The following SNRNP48 variants were observed in gnomAD, a reference collection of about 807,000 sequenced individuals.
SNRNP48 encodes U11/U12 small nuclear ribonucleoprotein 48 kDa protein.
In SNRNP48, 43 loss-of-function variants were observed where a neutral mutation model predicts 47.0. The observed-to-expected ratio is 0.92, with a 90% CI of 0.72 to 1.18. The LOEUF is 1.18. Ranked by LOEUF, SNRNP48 falls within the 50% of genes most tolerant of loss-of-function variation. The pLI, the probability that SNRNP48 is intolerant of heterozygous loss-of-function variation, is 0.00. For missense variants in SNRNP48, 396 were observed against 422.2 expected, an observed-to-expected ratio of 0.94 and a Z score of 0.54; for synonymous variants, 138 against 144.0, an observed-to-expected ratio of 0.96 and a Z score of 0.30.
At position 7,598,827 on chromosome 6, in the gene SNRNP48, C is replaced by G. The variant is rs557451430; in HGVS notation, c.407-2509C>G. On this transcript the variant is annotated intron_variant, in intron 4 of 8. Transcript: ENST00000342415. Reference sequence around the variant, plus strand: ...CTCAATCTTAAACTTTATGAAAGCTCATACAGCTATTCAATCTATATACTT... The same window carrying G: ...CTCAATCTTAAACTTTATGAAAGCTGATACAGCTATTCAATCTATATACTT... Among the ~76,000 whole-genome samples, 70 of 152,340 alleles carry G rather than the reference C, an allele frequency of 4.6e-4. No homozygotes were observed. The Middle Eastern group carries it at 0.01, about 22-fold the overall frequency.
chr6:7,599,547 T>G (rs1300067795), intron 4 of SNRNP48: 1 of 477,660 alleles, frequency 2.1e-6, no homozygotes, highest in African/African-American at 2.0e-5. Context: ...TTTTGAAAAT[T>G]TACATTTTAT....
At chr6:7,597,642 G>A (rs887800600) in intron 4 of SNRNP48, among the ~76,000 whole-genome samples, 17 of 152,104 alleles carry the variant, frequency 1.1e-4, no homozygotes, top group African/African-American at 4.1e-4. Context: ...TAATGAAATG[G>A]ATGAGTTTTA....
At chr6:7,605,287 T>C (rs999453081) in intron 6 of SNRNP48, 111 bp from the exon 7 acceptor site, 3 of 799,506 alleles carry the variant, frequency 3.8e-6, no homozygotes, top group African/African-American at 3.4e-5. Context: ...CAGTCAATTA[T>C]GTCATAGCAC....
intron 4 of SNRNP48, chr6:7,600,273 C>CTTA: frequency 1.1e-6 from 1 of 880,252 alleles, no homozygotes. Context: ...TGTTGTAATG[C>CTTA]TTAGTTCATA....
At chr6:7,597,493 T>C (rs1759924006) in intron 4 of SNRNP48, among the ~76,000 whole-genome samples, 1 of 152,226 alleles carries the variant, frequency 6.6e-6, no homozygotes, top group South Asian at 2.1e-4. Context: ...TGAGTTTTTG[T>C]TTCCTTATCT....
chr6:7,606,222 G>A (rs996076132), intron 8 of SNRNP48, 27 bp downstream of exon 8: 12 of 1,569,594 alleles, frequency 7.6e-6, no homozygotes, highest in Admixed American at 2.0e-5. Context: ...ATCATCCAAC[G>A]TTGAATTCTG....
In SNRNP48 at chr6:7,605,537, A is replaced by G. The variant is rs764943176; in HGVS notation, c.806+51A>G. 2.0e-6 allele frequency: 3 copies of G among 1,493,812 alleles called. No individual in the cohort carries two copies. The East Asian group carries it at 6.8e-5, about 34-fold the overall frequency. The allele number at this position is 1,493,812 out of a possible 1,614,324, so 92.5% of individuals were successfully genotyped here. Reference sequence around the variant, plus strand: ...AATACTCTCTCTTTGATAACAGATAACAATTAACTTATAATTGTTAAATTT... The same window carrying G: ...AATACTCTCTCTTTGATAACAGATAGCAATTAACTTATAATTGTTAAATTT... On this transcript the variant is annotated intron_variant, in intron 7 of 8. Coordinates refer to ENST00000342415, the MANE Select transcript of SNRNP48 (RefSeq NM_152551.4).
chr6:7,602,345 G>A (rs1760040478), intron 5 of SNRNP48, among the ~76,000 whole-genome samples: 1 of 152,158 alleles, frequency 6.6e-6, no homozygotes, highest in Non-Finnish European at 1.5e-5. Context: ...GTTTTACTCT[G>A]ACTTTTACAT....
At position 7,594,125 on chromosome 6, in the gene SNRNP48, C is replaced by A; in HGVS notation, c.297C>A (p.Phe99Leu). 1.4e-6 allele frequency: 2 copies of A among 1,421,332 alleles called. No individual in the cohort carries two copies. Among genetic ancestry groups the A allele is most frequent in the Non-Finnish European group, 1.9e-6 (2 of 1,049,564 alleles). The allele number at this position is 1,421,332 out of a possible 1,614,324, so 88.0% of individuals were successfully genotyped here. A position where few individuals can be genotyped will look rare whatever the true frequency, so the allele number is the denominator to read the frequency against. ...ATGAAATGTATAATCCTGAGTTTTTCTATGAAAATGTGAAGATACCTTCGA... is the reference window on the plus strand; with the variant it reads ...ATGAAATGTATAATCCTGAGTTTTTATATGAAAATGTGAAGATACCTTCGA... ...EEDEMYNPEF[F>L]YENVKIPSIT... Residue 99 changes from phenylalanine (F) to leucine (L), a missense_variant, in exon 3 of 9, where the codon TTC (phenylalanine) becomes TTA (leucine). Phe to Leu is a conservative substitution (Grantham distance 22, BLOSUM62 0). Coordinates refer to ENST00000342415, the MANE Select transcript of SNRNP48 (RefSeq NM_152551.4).
Position 7,590,431 on chromosome 6 carries a change from G to T in SNRNP48, c.156+18G>T, listed in dbSNP as rs778355674. 1.3e-5 allele frequency: 17 copies of T among 1,282,462 alleles called. No individual in the cohort carries two copies. In the African/African-American group the frequency reaches 2.3e-4, roughly 17 times the overall value. The allele number at this position is 1,282,462 out of a possible 1,614,324, so 79.4% of individuals were successfully genotyped here. ...CGGCGGAGGTGAGGAGCGCGGCCGC[G>T]GGGCCCTTTCGGGGACTATCGGCCC... On this transcript the variant is annotated intron_variant, in intron 1 of 8. Coordinates refer to ENST00000342415, the MANE Select transcript of SNRNP48 (RefSeq NM_152551.4).
At chr6:7,590,887 A>C (rs1266545684) in intron 1 of SNRNP48, among the ~76,000 whole-genome samples, 1 of 152,176 alleles carries the variant, frequency 6.6e-6, no homozygotes, top group African/African-American at 2.4e-5. Flanking sequence ...CTGGGGTGGA[A>C]GGATAGCTTG....
At position 7,601,143 on chromosome 6, in the gene SNRNP48, T is replaced by G. The variant is rs571961207; in HGVS notation, c.407-193T>G. The G allele has an allele frequency of 6.2e-4, 276 of 445,684 alleles. 3 individuals carry two copies. The East Asian group carries it at 6.4e-3, about 10-fold the overall frequency. 27.6% of individuals were successfully genotyped at this position (445,684 alleles called of 1,614,324 possible). On this transcript the variant is annotated intron_variant, in intron 4 of 8. Transcript: ENST00000342415. The stretch of plus-strand genomic sequence containing the variant: ...CATCCATAATACATTTTTTTTTTTT[T>G]TGTGGATATAACATTCAGGATAGAA...
chr6:7,601,392 GATC>G lies in SNRNP48; in HGVS notation c.464_466del (p.Asp155_Leu156delinsVal), dbSNP rs1760017005. The G allele has an allele frequency of 6.3e-7, 1 of 1,589,304 alleles. No individual in the cohort carries two copies. The highest frequency in any genetic ancestry group is 8.5e-7 in the Non-Finnish European group (1 of 1,174,324). On this transcript the variant is annotated inframe_deletion, in exon 5 of 9. Coordinates refer to ENST00000342415, the MANE Select transcript of SNRNP48 (RefSeq NM_152551.4). ...TTTGAATCACAAACGGTTTGTTTGT[GATC>G]TAACTCAAGCTGATCGTCTTGCCCT...
chr6:7,590,359 G>A lies in SNRNP48; in HGVS notation c.102G>A (p.Ala34=). The part of the protein sequence containing the change: ...SGCRTLEEVT[A]SLGWDLDSLD... ...GCCGGACGTTGGAGGAGGTGACCGCGTCCCTGGGCTGGGACCTAGATAGTC... is the reference window on the plus strand; with the variant it reads ...GCCGGACGTTGGAGGAGGTGACCGCATCCCTGGGCTGGGACCTAGATAGTC... Residue 34 remains alanine, a synonymous_variant, in exon 1 of 9, where the codon GCG becomes GCA. Coordinates refer to ENST00000342415, the MANE Select transcript of SNRNP48 (RefSeq NM_152551.4). The A allele has an allele frequency of 7.2e-7, 1 of 1,384,328 alleles. No homozygotes were observed. The highest frequency in any genetic ancestry group is 9.5e-7 in the Non-Finnish European group (1 of 1,056,076). 85.8% of individuals were successfully genotyped at this position (1,384,328 alleles called of 1,614,324 possible).
intron 8 of SNRNP48, among the ~76,000 whole-genome samples, chr6:7,607,200 C>T (rs1760144300): frequency 6.6e-6 from 1 of 152,148 alleles, no homozygotes; most frequent in Non-Finnish European, 1.5e-5. Flanking sequence ...TACCTGTGGT[C>T]CTAGCCACTT....
At chr6:7,604,043 G>A (rs138539349) in intron 6 of SNRNP48, among the ~76,000 whole-genome samples, 122 of 151,864 alleles carry the variant, frequency 8.0e-4, no homozygotes, top group African/African-American at 2.7e-3. Flanking sequence ...ATAGAGAAAA[G>A]CATTTGAGGG....
rs548636739 is a variant in SNRNP48 at position 7,592,757 on chromosome 6, C to A, written c.157-977C>A. On this transcript the variant is annotated intron_variant, in intron 1 of 8. Transcript: ENST00000342415. ...GAGAGAGAGCAAGAGTGAGAGAGAGCGAGCGAGCGTAGTCAGGAGATGGTG... is the reference window on the plus strand; with the variant it reads ...GAGAGAGAGCAAGAGTGAGAGAGAGAGAGCGAGCGTAGTCAGGAGATGGTG... Among the ~76,000 whole-genome samples the A allele has an allele frequency of 7.9e-5, 12 of 152,020 alleles. No homozygotes were observed. The East Asian group carries it at 1.5e-3, about 20-fold the overall frequency.
At chr6:7,595,882 G>T (rs531280088) in intron 4 of SNRNP48, among the ~76,000 whole-genome samples, 2 of 152,300 alleles carry the variant, frequency 1.3e-5, no homozygotes, top group Admixed American at 1.3e-4. Flanking sequence ...GGGTTAAAGA[G>T]TTTCTCCCTG....
intron 4 of SNRNP48, among the ~76,000 whole-genome samples, chr6:7,596,899 G>T (rs569204089): frequency 8.5e-5 from 13 of 152,274 alleles, no homozygotes. Flanking sequence ...GTCTTAAGTG[G>T]TTAGATTTAC....
Sources: gnomAD v4.1 joint callset for allele counts (sites outside exome capture counted in the v4.1 genomes callset) on GRCh38, gnomAD v4.1.1 for gene constraint, MANE v1.5 for transcripts, NCBI Gene and HGNC (gene_info 2026-07-23, HGNC 2026-07-21) for gene names.